Variants in SCUBE1 observed in about 807,000 individuals in gnomAD.
SCUBE1 encodes the protein signal peptide, CUB and EGF-like domain-containing protein 1.
SCUBE1 carries 59 observed loss-of-function variants against 124.4 expected under a neutral mutation model. The observed-to-expected ratio is 0.47, with a 90% CI of 0.38 to 0.59. SCUBE1 has a LOEUF of 0.59. Among genes scored for constraint, SCUBE1 ranks in the 20% least tolerant of loss-of-function variants. SCUBE1 has a pLI of 0.00. For missense variants in SCUBE1, 1,150 were observed against 1,371.2 expected (o/e 0.84, Z 2.55); for synonymous variants, 545 against 550.9 (o/e 0.99, Z 0.15).
chr22:43,253,862 G>C (rs1923556795), intron 6 of SCUBE1, among the ~76,000 whole-genome samples: 1 of 148,196 alleles, frequency 6.7e-6, no homozygotes, highest in African/African-American at 2.6e-5. Context: ...TCAGACAGTA[G>C]TGCCCGCTTC....
intron 3 of SCUBE1, among the ~76,000 whole-genome samples, chr22:43,307,433 T>C (rs1350290492): frequency 6.6e-6 from 1 of 152,156 alleles, no homozygotes; most frequent in East Asian, 1.9e-4. Flanking sequence ...ATGCTGGAGA[T>C]TACAGTTCTG....
intron 6 of SCUBE1, among the ~76,000 whole-genome samples, chr22:43,251,195 C>T (rs1237972381): frequency 1.3e-5 from 2 of 152,194 alleles, no homozygotes; most frequent in Non-Finnish European, 2.9e-5. Context: ...GAGTGGGTGC[C>T]CACAGCTGGG....
rs532720435 is a variant in SCUBE1, at chr22:43,255,323, G to A, written c.727+2896C>T. Among the ~76,000 whole-genome samples, 5 of 152,116 alleles carry A rather than the reference G, an allele frequency of 3.3e-5. No individual in the cohort carries two copies. The highest frequency in any genetic ancestry group is 1.9e-4 in the East Asian group (1 of 5,176). On this transcript the variant is annotated intron_variant, in intron 6 of 21. Transcript: ENST00000360835. The surrounding 1 kb of genome is among the most constrained non-coding windows in gnomAD (Gnocchi z 4.7). ...ACACGACACGCAGGACTGCACACAC[G>A]TGGGCACACCCCACAACACAGACAT...
chr22:43,245,731 G>A (rs17516862), intron 6 of SCUBE1, among the ~76,000 whole-genome samples: 11,308 of 152,246 alleles, frequency 0.074, 498 homozygotes, highest in Admixed American at 0.16. Flanking sequence ...CCTTAGCCCG[G>A]CCCTGCTGAA....
At chr22:43,214,982 C>T (rs1055686278) in intron 15 of SCUBE1, among the ~76,000 whole-genome samples, 2 of 152,182 alleles carry the variant, frequency 1.3e-5, no homozygotes, top group Admixed American at 6.5e-5. Context: ...AGAACCCCCC[C>T]ACCCATAGAT....
chr22:43,275,299 G>A (rs759956731), intron 4 of SCUBE1, among the ~76,000 whole-genome samples: 1 of 152,240 alleles, frequency 6.6e-6, no homozygotes, highest in East Asian at 1.9e-4. Flanking sequence ...AGCAAACCAC[G>A]ACGCGCTGGG....
At chr22:43,306,896 C>T (rs947864155) in intron 3 of SCUBE1, among the ~76,000 whole-genome samples, 3 of 152,158 alleles carry the variant, frequency 2.0e-5, no homozygotes, top group African/African-American at 7.2e-5. Context: ...CATCGCTGGC[C>T]GAGGGAGACA....
At chr22:43,250,989 C>T (rs557656020) in intron 6 of SCUBE1, among the ~76,000 whole-genome samples, 1 of 152,352 alleles carries the variant, frequency 6.6e-6, no homozygotes, top group Admixed American at 6.5e-5. Context: ...GGCTATGTGG[C>T]CTCCCTTCTC....
intron 3 of SCUBE1, among the ~76,000 whole-genome samples, chr22:43,307,331 C>CT (rs1232229200): frequency 2.0e-5 from 3 of 152,218 alleles, no homozygotes; most frequent in African/African-American, 7.2e-5. Context: ...CATCAGGAGG[C>CT]TGGGGAAGGG....
intron 6 of SCUBE1, among the ~76,000 whole-genome samples, chr22:43,253,309 C>T (rs1282153989): frequency 6.6e-6 from 1 of 152,188 alleles, no homozygotes; most frequent in Non-Finnish European, 1.5e-5. Context: ...GAGAGAGGGG[C>T]TCACTTGTGC....
intron 6 of SCUBE1, among the ~76,000 whole-genome samples, chr22:43,239,750 G>A (rs1020471103): frequency 6.6e-6 from 1 of 152,192 alleles, no homozygotes; most frequent in Non-Finnish European, 1.5e-5. Context: ...CATCTGGCAG[G>A]CTTTTATCTT....
In SCUBE1 at chr22:43,229,081, G is replaced by C; in HGVS notation, c.1075C>G (p.His359Asp). The C allele has an allele frequency of 6.2e-7, 1 of 1,612,018 alleles. No homozygotes were observed. The highest frequency in any genetic ancestry group is 8.5e-7 in the Non-Finnish European group (1 of 1,179,002). The stretch of plus-strand genomic sequence containing the variant: ...CGGGCAGGCTGCAGACCTCCGCAGT[G>C]GGTTGTCCCGTAGAGGATGTAGCCG... ...HRGYILYGTT[H>D]CGDVDECSMS... Residue 359 changes from histidine to aspartate, a missense_variant, in exon 9 of 22, where the codon CAC becomes GAC. This residue lies in a region of SCUBE1 where 337 missense variants were observed against 482.1 expected (regional missense o/e 0.70). Transcript: ENST00000360835.
rs748579743 is a variant in SCUBE1, at chr22:43,210,086, G to A, written c.2538C>T (p.Pro846=). The change falls in exon 19 of 22, where the codon CCC becomes CCT. Residue 846 remains proline (P), a synonymous_variant. Coordinates refer to ENST00000360835, the MANE Select transcript of SCUBE1 (RefSeq NM_173050.5). The surrounding 1 kb of genome is among the most constrained non-coding windows in gnomAD (Gnocchi z 4.5). The part of the protein sequence containing the change: ...ILIVVPEIFL[P]IEDECGDVLV... ...GAACATCGCCGCACTCATCCTCGAT[G>A]GGCAGGAAGATCTCAGGGACCACGA... The A allele has an allele frequency of 3.5e-5, 56 of 1,612,562 alleles. No homozygotes were observed. The Admixed American group carries it at 9.2e-4, about 26-fold the overall frequency.
intron 21 of SCUBE1, among the ~76,000 whole-genome samples, chr22:43,206,266 A>G (rs1395258089): frequency 7.2e-6 from 1 of 138,090 alleles, no homozygotes; most frequent in African/African-American, 2.8e-5. Flanking sequence ...ATACCCCTAC[A>G]TACACACTAT....
At chr22:43,320,773 A>C (rs560384110) in intron 2 of SCUBE1, among the ~76,000 whole-genome samples, 1 of 152,378 alleles carries the variant, frequency 6.6e-6, no homozygotes, top group African/African-American at 2.4e-5. Flanking sequence ...AGAGCACTGA[A>C]GAAACCAAGG....
intron 21 of SCUBE1, among the ~76,000 whole-genome samples, chr22:43,204,978 C>T (rs986435487): frequency 4.3e-4 from 65 of 151,830 alleles, no homozygotes; most frequent in South Asian, 1.9e-3. Flanking sequence ...AACAAAGGGT[C>T]CCGCTGCAAA....
chr22:43,290,829 G>A (rs943121692), intron 4 of SCUBE1, among the ~76,000 whole-genome samples: 2 of 152,214 alleles, frequency 1.3e-5, no homozygotes, highest in East Asian at 1.9e-4. Flanking sequence ...ATATAAACAC[G>A]AGAAACACCC....
intron 5 of SCUBE1, among the ~76,000 whole-genome samples, chr22:43,259,601 T>C (rs2146708520): frequency 6.6e-6 from 1 of 152,326 alleles, no homozygotes; most frequent in East Asian, 1.9e-4. Context: ...AGAGCCTTCC[T>C]GCCCACCTGT....
intron 1 of SCUBE1, among the ~76,000 whole-genome samples, chr22:43,341,979 G>C (rs1569039390): frequency 6.6e-6 from 1 of 152,104 alleles, no homozygotes; most frequent in Non-Finnish European, 1.5e-5. Context: ...ACACAAGGGG[G>C]ATGATGGGGC....
Sources: gnomAD v4.1 joint callset for allele counts (sites outside exome capture counted in the v4.1 genomes callset) on GRCh38, gnomAD v4.1.1 for gene constraint, gnomAD v4.1.1 regional missense constraint, Gnocchi (gnomAD v3.1) non-coding constraint, MANE v1.5 for transcripts, NCBI Gene and HGNC (gene_info 2026-07-23, HGNC 2026-07-21) for gene names.